Variants in SASH1 observed in about 807,000 individuals in gnomAD.
SASH1 encodes SAM and SH3 domain containing 1.
A neutral mutation model predicts 125.2 loss-of-function variants in SASH1; 44 were observed. The observed-to-expected ratio is 0.35, with a 90% CI of 0.28 to 0.45. The LOEUF is 0.45. SASH1 is among the 20% of genes least tolerant of loss of function. The probability of loss-of-function intolerance (pLI) is 1.00; values close to 1 mark genes in which losing one functional copy is unlikely to be tolerated. For synonymous variants in SASH1, 639 were observed against 649.1 expected, an observed-to-expected ratio of 0.98 and a Z score of 0.24; for missense variants, 1,426 against 1,614.5, an observed-to-expected ratio of 0.88 and a Z score of 2.00.
intron 1 of SASH1, among the ~76,000 whole-genome samples, chr6:148,295,422 A>G (rs1417962982): frequency 2.0e-5 from 3 of 152,176 alleles, no homozygotes; most frequent in African/African-American, 7.2e-5. Context: ...ACAAATCAAC[A>G]ATCAAGGCAT....
intron 1 of SASH1, among the ~76,000 whole-genome samples, chr6:148,358,475 A>C (rs1414816358): frequency 2.0e-5 from 3 of 152,168 alleles, no homozygotes; most frequent in Admixed American, 2.0e-4. Flanking sequence ...GGGAATAGTG[A>C]CACACTACCT....
intron 19 of SASH1, among the ~76,000 whole-genome samples, chr6:148,546,399 T>C (rs188554835): frequency 6.6e-6 from 1 of 152,316 alleles, no homozygotes; most frequent in East Asian, 1.9e-4. Flanking sequence ...CTGGGCGTGA[T>C]AGTGCACACC....
chr6:148,203,999 C>T, the SASH1 span, among the ~76,000 whole-genome samples: 1 of 152,206 alleles, frequency 6.6e-6, no homozygotes, highest in African/African-American at 2.4e-5. Flanking sequence ...GTTTTGTTGA[C>T]TGATGACAGC....
At chr6:148,372,732 TTC>T (rs1782747107) in intron 1 of SASH1, among the ~76,000 whole-genome samples, 1 of 139,356 alleles carries the variant, frequency 7.2e-6, no homozygotes. Flanking sequence ...CATTCATTCA[TTC>T]AGTGCATTTA....
intron 7 of SASH1, among the ~76,000 whole-genome samples, chr6:148,485,529 T>C (rs1257379789): frequency 2.0e-5 from 3 of 152,188 alleles, no homozygotes; most frequent in Non-Finnish European, 4.4e-5. Flanking sequence ...ATTATCATAG[T>C]TAATTCTGGT....
intron 8 of SASH1, among the ~76,000 whole-genome samples, chr6:148,498,377 G>T (rs762458843): frequency 6.6e-6 from 1 of 151,710 alleles, no homozygotes; most frequent in African/African-American, 2.4e-5. Context: ...CTCCAGCCTG[G>T]GTGGCAGAGC....
At chr6:148,526,059 T>C (rs940297623) in intron 11 of SASH1, among the ~76,000 whole-genome samples, 2 of 142,820 alleles carry the variant, frequency 1.4e-5, no homozygotes, top group East Asian at 2.0e-4. Context: ...TTTTTTTTTT[T>C]TTTTTTTTTT....
chr6:148,282,599 C>T (rs1376039157), intron 1 of SASH1, among the ~76,000 whole-genome samples: 1 of 152,060 alleles, frequency 6.6e-6, no homozygotes, highest in African/African-American at 2.4e-5. Context: ...CCAGGCTGGT[C>T]TTGAACTCCT....
At chr6:148,436,817 A>G (rs1443270359) in intron 2 of SASH1, among the ~76,000 whole-genome samples, 1 of 152,250 alleles carries the variant, frequency 6.6e-6, no homozygotes, top group Non-Finnish European at 1.5e-5. Context: ...TGTGAACATC[A>G]TAAGGTGCTT....
At chr6:148,472,811 C>T (rs1292061907) in intron 6 of SASH1, among the ~76,000 whole-genome samples, 1 of 152,216 alleles carries the variant, frequency 6.6e-6, no homozygotes, top group Non-Finnish European at 1.5e-5. Flanking sequence ...CAGGCAGACT[C>T]TTTCCCTCTG....
intron 1 of SASH1, among the ~76,000 whole-genome samples, chr6:148,325,263 T>G (rs1582966707): frequency 6.9e-6 from 1 of 145,064 alleles, no homozygotes; most frequent in African/African-American, 2.5e-5. Context: ...AAGCCTCTTT[T>G]GTTGTTGTTG....
chr6:148,546,567 T>A (rs1782586599), intron 19 of SASH1, among the ~76,000 whole-genome samples: 1 of 152,166 alleles, frequency 6.6e-6, no homozygotes, highest in Admixed American at 6.5e-5. Flanking sequence ...CTTCCAAAGA[T>A]CTATTGTTCA....
Position 148,549,818 on chromosome 6 carries a change from T to G in SASH1, c.*1260T>G, listed in dbSNP as rs1248804388. 3.9e-5 allele frequency: 14 copies of G among 356,618 alleles called. No homozygotes were observed. Among genetic ancestry groups the G allele is most frequent in the Non-Finnish European group, 7.0e-5 (14 of 200,274 alleles). 22.1% of individuals were successfully genotyped at this position (356,618 alleles called of 1,614,324 possible). On this transcript the variant is annotated 3_prime_UTR_variant, in exon 20 of 20. Transcript: ENST00000367467. The stretch of plus-strand genomic sequence containing the variant: ...CTGATTTCAGCACATTCTATCCTTT[T>G]TTTTTTTTGAAATGGAGTTTCGCTC...
At chr6:148,283,501 G>A (rs1297783932) in intron 1 of SASH1, 1 of 152,530 alleles carries the variant, frequency 6.6e-6, no homozygotes, top group Non-Finnish European at 1.5e-5. Flanking sequence ...GCTGGGCGCG[G>A]TGGGTCACGC....
chr6:148,209,675 C>G, the SASH1 span, among the ~76,000 whole-genome samples: 1 of 152,162 alleles, frequency 6.6e-6, no homozygotes, highest in Non-Finnish European at 1.5e-5. Flanking sequence ...TATCCAGCAT[C>G]CATGTACTCT....
At chr6:148,287,590 T>A (rs894433041) in intron 1 of SASH1, among the ~76,000 whole-genome samples, 2 of 152,158 alleles carry the variant, frequency 1.3e-5, no homozygotes, top group Non-Finnish European at 2.9e-5. Context: ...TATTTAAGAT[T>A]ATTTTATTAT....
At chr6:148,531,488 T>G (rs747990332) in intron 12 of SASH1, 38 bp from the exon 13 acceptor site, 3 of 1,441,748 alleles carry the variant, frequency 2.1e-6, no homozygotes, top group Non-Finnish European at 1.8e-6. Context: ...ACCTGTCCAC[T>G]CTGATGAACT....
rs1354459920 is a variant in SASH1, at chr6:148,472,257, C to T, written c.514+754C>T. Among the ~76,000 whole-genome samples the T allele has an allele frequency of 2.0e-5, 3 of 152,182 alleles. No individual in the cohort carries two copies. In the East Asian group the frequency reaches 5.8e-4, roughly 29 times the overall value. On this transcript the variant is annotated intron_variant, in intron 6 of 19. Coordinates refer to ENST00000367467, the MANE Select transcript of SASH1 (RefSeq NM_015278.5). ...TCTTAGTGTCCTGTGCTGTGTGGAA[C>T]GTCTGTCTAATTATCAGTACGCGTG...
chr6:148,468,506 C>G, intron 4 of SASH1, 39 bp from the exon 5 acceptor site: 1 of 1,540,844 alleles, frequency 6.5e-7, no homozygotes, highest in Non-Finnish European at 8.9e-7. Context: ...CCCATGAAAG[C>G]AAGGCTCTCT....
Sources: allele counts gnomAD v4.1 joint callset (sites outside exome capture counted in the v4.1 genomes callset), GRCh38; gene constraint gnomAD v4.1.1; transcripts MANE v1.5; gene names NCBI Gene and HGNC (gene_info 2026-07-23, HGNC 2026-07-21).